TAF1B: variants seen among roughly 807,000 people sequenced by gnomAD.
TAF1B encodes TATA box-binding protein-associated factor RNA polymerase I subunit B.
TAF1B carries 61 observed loss-of-function variants against 83.9 expected under a neutral mutation model. The ratio of observed to expected loss-of-function variants is 0.73; its 90% CI spans 0.59 to 0.90. The LOEUF is 0.90. Among genes scored for constraint, TAF1B ranks in the 40% least tolerant of loss-of-function variants. The probability of loss-of-function intolerance (pLI) is 0.00; values close to 1 mark genes in which losing one functional copy is unlikely to be tolerated. For synonymous variants in TAF1B, 221 were observed against 224.6 expected, an observed-to-expected ratio of 0.98 and a Z score of 0.14; for missense variants, 625 against 677.0, an observed-to-expected ratio of 0.92 and a Z score of 0.85.
intron 2 of TAF1B, chr2:9,845,629 T>C (rs1663182045): frequency 3.7e-6 from 1 of 271,222 alleles, no homozygotes; most frequent in South Asian, 3.9e-5. Context: ...TTAGTACTTA[T>C]TTACATTTTT....
At chr2:9,845,483 G>T (rs1663177000) in intron 2 of TAF1B, 165 bp downstream of exon 2, 2 of 525,550 alleles carry the variant, frequency 3.8e-6, no homozygotes, top group Non-Finnish European at 6.9e-6. Flanking sequence ...TAGGTTAAGG[G>T]ATTTGTGAAT....
intron 8 of TAF1B, among the ~76,000 whole-genome samples, chr2:9,895,442 A>G (rs1362432650): frequency 1.3e-5 from 2 of 152,154 alleles, no homozygotes; most frequent in African/African-American, 4.8e-5. Flanking sequence ...TGGAAGCCGC[A>G]GTGAGCTGTG....
intron 14 of TAF1B, among the ~76,000 whole-genome samples, chr2:9,927,539 C>A (rs1558272424): frequency 6.6e-6 from 1 of 152,162 alleles, no homozygotes; most frequent in Non-Finnish European, 1.5e-5. Context: ...CCTGTTGTTT[C>A]CTGACTTTTT....
intron 14 of TAF1B, among the ~76,000 whole-genome samples, chr2:9,924,800 G>A (rs1665986296): frequency 6.6e-6 from 1 of 152,222 alleles, no homozygotes; most frequent in Non-Finnish European, 1.5e-5. Flanking sequence ...AACATTTGCT[G>A]TAAAATTGTG....
At chr2:9,851,512 T>C in intron 3 of TAF1B, 29 bp from the exon 4 acceptor site, 3 of 1,534,580 alleles carry the variant, frequency 2.0e-6, no homozygotes, top group Non-Finnish European at 2.7e-6. Flanking sequence ...TAGGAATGTA[T>C]ATGCTAAAAC....
chr2:9,902,771 T>C (rs1166417964), intron 8 of TAF1B, among the ~76,000 whole-genome samples: 1 of 152,220 alleles, frequency 6.6e-6, no homozygotes, highest in African/African-American at 2.4e-5. Context: ...AGGAGTAGAA[T>C]TCCCTTGACC....
intron 8 of TAF1B, among the ~76,000 whole-genome samples, chr2:9,896,943 T>C (rs1365707772): frequency 6.6e-6 from 1 of 152,234 alleles, no homozygotes; most frequent in African/African-American, 2.4e-5. Context: ...TGAGTTGTGA[T>C]TCCTGAGCCC....
At chr2:9,900,199 G>A (rs527828302) in intron 8 of TAF1B, among the ~76,000 whole-genome samples, 2 of 152,138 alleles carry the variant, frequency 1.3e-5, no homozygotes, top group Non-Finnish European at 2.9e-5. Flanking sequence ...ACTATTAGAG[G>A]GATTTTAGTA....
intron 8 of TAF1B, among the ~76,000 whole-genome samples, chr2:9,889,826 A>T (rs1437610544): frequency 1.3e-5 from 2 of 152,130 alleles, no homozygotes; most frequent in African/African-American, 4.8e-5. Flanking sequence ...ACTAAGGCGT[A>T]TCCCTACTAA....
chr2:9,919,035 G>A lies in TAF1B; in HGVS notation c.1272-6G>A, dbSNP rs761235476. The A allele has an allele frequency of 6.2e-7, 1 of 1,613,040 alleles. No individual in the cohort carries two copies. Among genetic ancestry groups the A allele is most frequent in the Non-Finnish European group, 8.5e-7 (1 of 1,179,278 alleles). On this transcript the variant is annotated splice_polypyrimidine_tract_variant and splice_region_variant and intron_variant, in intron 12 of 14. Transcript: ENST00000263663. ...CCTGCTCCAGCTGTTTCTTTACCTT[G>A]TACAGGTACCTGTGGAAAAGTGAAA...
At chr2:9,867,003 G>T (rs997193092) in intron 5 of TAF1B, among the ~76,000 whole-genome samples, 1 of 152,108 alleles carries the variant, frequency 6.6e-6, no homozygotes, top group Admixed American at 6.5e-5. Flanking sequence ...GAGTTAATGG[G>T]TGCAGCACAC....
intron 8 of TAF1B, 38 bp from the exon 9 acceptor site, chr2:9,904,821 C>T (rs761364385): frequency 5.7e-6 from 9 of 1,576,652 alleles, no homozygotes; most frequent in Middle Eastern, 1.7e-4. Flanking sequence ...AGTTTTGTTG[C>T]AAAAATTGCA....
At chr2:9,899,384 T>C (rs2125166140) in intron 8 of TAF1B, among the ~76,000 whole-genome samples, 1 of 152,338 alleles carries the variant, frequency 6.6e-6, no homozygotes, top group South Asian at 2.1e-4. Flanking sequence ...CTATGATATA[T>C]ATAAAACATT....
chr2:9,911,561 T>C lies in TAF1B; in HGVS notation c.1180+4T>C. On this transcript the variant is annotated splice_donor_region_variant and intron_variant, in intron 11 of 14. Coordinates refer to ENST00000263663, the MANE Select transcript of TAF1B (RefSeq NM_005680.3). The stretch of plus-strand genomic sequence containing the variant: ...CATAATGAAAAGAACAAAAAAGGTA[T>C]TTTAATTTTTTATCATTCAAATTCA... The C allele has an allele frequency of 6.6e-7, 1 of 1,503,918 alleles. No individual in the cohort carries two copies. Among genetic ancestry groups the C allele is most frequent in the Non-Finnish European group, 9.0e-7 (1 of 1,115,948 alleles). 93.2% of individuals were successfully genotyped at this position (1,503,918 alleles called of 1,614,324 possible). A position where few individuals can be genotyped will look rare whatever the true frequency, so the allele number is the denominator to read the frequency against.
At chr2:9,857,532 A>G (rs1224990394) in intron 5 of TAF1B, among the ~76,000 whole-genome samples, 3 of 152,184 alleles carry the variant, frequency 2.0e-5, no homozygotes, top group African/African-American at 7.2e-5. Flanking sequence ...CATTTTGGAC[A>G]TGTTAAGTTT....
chr2:9,843,856 C>A, intron 1 of TAF1B: 1 of 289,454 alleles, frequency 3.5e-6, no homozygotes, highest in Non-Finnish European at 6.5e-6. Flanking sequence ...GGTGGCCACC[C>A]ACAGGGCTCA....
At chr2:9,868,620 G>C in intron 6 of TAF1B, 191 bp downstream of exon 6, 1 of 842,400 alleles carries the variant, frequency 1.2e-6, no homozygotes, top group Non-Finnish European at 2.0e-6. Flanking sequence ...TTTTTTAAAA[G>C]GCACATTGTC....
intron 14 of TAF1B, among the ~76,000 whole-genome samples, chr2:9,929,257 C>T (rs1210816864): frequency 2.0e-5 from 3 of 152,154 alleles, no homozygotes; most frequent in Non-Finnish European, 4.4e-5. Flanking sequence ...CTCCCGGGTT[C>T]ACGCCATTCT....
chr2:9,877,599 A>G (rs141720425), intron 7 of TAF1B, among the ~76,000 whole-genome samples: 5 of 151,912 alleles, frequency 3.3e-5, no homozygotes, highest in African/African-American at 4.8e-5. Context: ...ATTTCTATCC[A>G]TTTTCCTCCT....
Sources: gnomAD v4.1 joint callset for allele counts (sites outside exome capture counted in the v4.1 genomes callset) on GRCh38, gnomAD v4.1.1 for gene constraint, MANE v1.5 for transcripts, NCBI Gene and HGNC (gene_info 2026-07-23, HGNC 2026-07-21) for gene names.